The following UBE2F variants were observed in gnomAD, a reference collection of about 807,000 sequenced individuals.
UBE2F encodes the protein ubiquitin conjugating enzyme E2 F (putative).
A neutral mutation model predicts 29.6 loss-of-function variants in UBE2F; 5 were observed. The ratio of observed to expected loss-of-function variants is 0.17; its 90% CI spans 0.09 to 0.36. The LOEUF (loss-of-function observed/expected upper bound fraction) is 0.36, where lower values mean the gene tolerates loss of function less well. Ranked by LOEUF, UBE2F falls within the 10% of genes least tolerant of loss-of-function variation. The pLI is 1.00. For missense variants in UBE2F, 141 were observed against 228.5 expected (o/e 0.62, Z 2.47); for synonymous variants, 66 against 81.8 (o/e 0.81, Z 1.04).
At chr2:237,985,360 AT>A (rs2106339564) in intron 2 of UBE2F, among the ~76,000 whole-genome samples, 1 of 150,484 alleles carries the variant, frequency 6.6e-6, no homozygotes, top group South Asian at 2.1e-4. Flanking sequence ...GTATCCCCCC[AT>A]TCTGCCCCCT....
chr2:237,983,907 A>G (rs2063426882), intron 2 of UBE2F, among the ~76,000 whole-genome samples: 1 of 151,826 alleles, frequency 6.6e-6, no homozygotes, highest in Admixed American at 6.6e-5. Flanking sequence ...GCTTTCTCCA[A>G]GGTCCTTTTT....
At position 237,967,672 on chromosome 2, in the gene UBE2F, T is replaced by G. The variant is rs2063086227; in HGVS notation, c.-17+540T>G. Among the ~76,000 whole-genome samples the G allele has an allele frequency of 1.3e-5, 2 of 152,158 alleles. No homozygotes were observed. The highest frequency in any genetic ancestry group is 3.9e-4 in the East Asian group (2 of 5,178). On this transcript the variant is annotated intron_variant, in intron 1 of 9. Coordinates refer to ENST00000272930, the MANE Select transcript of UBE2F (RefSeq NM_080678.3). The surrounding 1 kb of genome is among the most constrained non-coding windows in gnomAD (Gnocchi z 6.3). ...GGGAGTGACAACTCGCGCCCGGTCC[T>G]CGTACCTGCAGCGGGAAGAGTAAGT...
At chr2:238,028,412 A>G (rs988456497) in intron 6 of UBE2F, among the ~76,000 whole-genome samples, 2 of 152,264 alleles carry the variant, frequency 1.3e-5, no homozygotes, top group African/African-American at 4.8e-5. Flanking sequence ...TGACAAATAT[A>G]TAACTGAAGG....
chr2:238,008,669 T>TA (rs1383845072), intron 4 of UBE2F, among the ~76,000 whole-genome samples: 1 of 152,218 alleles, frequency 6.6e-6, no homozygotes, highest in African/African-American at 2.4e-5. Flanking sequence ...ATGTCTTTGT[T>TA]ATTTCCCTCC....
chr2:237,985,653 T>C (rs925500118), intron 2 of UBE2F, among the ~76,000 whole-genome samples: 4 of 152,258 alleles, frequency 2.6e-5, no homozygotes, highest in African/African-American at 9.6e-5. Flanking sequence ...AATAGTCCAA[T>C]GAGTATGGAA....
intron 4 of UBE2F, 127 bp from the exon 5 acceptor site, chr2:238,016,439 C>T (rs2064155113): frequency 1.4e-6 from 1 of 731,504 alleles, no homozygotes; most frequent in South Asian, 1.9e-5. Context: ...AACCGAGGAA[C>T]TCTGCAGGCC....
intron 4 of UBE2F, among the ~76,000 whole-genome samples, chr2:238,012,674 T>C (rs2064065339): frequency 1.3e-5 from 2 of 152,206 alleles, no homozygotes; most frequent in Admixed American, 1.3e-4. Context: ...AAAGTCTTAC[T>C]TCATTTTCAT....
In UBE2F at chr2:237,967,538, C is replaced by A. The variant is rs1470419617; in HGVS notation, c.-17+406C>A. On this transcript the variant is annotated intron_variant, in intron 1 of 9. Transcript: ENST00000272930. The surrounding 1 kb of genome is among the most constrained non-coding windows in gnomAD (Gnocchi z 6.3). ...CCTGCCTTGTACGGAGGAAGCGGGG[C>A]GTCCAGCGCCTGGCCAAGGTCACCG... is the stretch of plus-strand genomic sequence containing the variant. Among the ~76,000 whole-genome samples, 1 of 152,060 alleles carries A rather than the reference C, an allele frequency of 6.6e-6. No individual in the cohort carries two copies. Among genetic ancestry groups the A allele is most frequent in the Non-Finnish European group, 1.5e-5 (1 of 67,966 alleles).
In UBE2F at chr2:238,030,247, TC is replaced by T. The variant is rs573994560; in HGVS notation, c.354-308del. The stretch of plus-strand genomic sequence containing the variant: ...CCATACCCAGCCACCATTGTCATTT[TC>T]TGAATATTAAATTGACAAATGTTCT... On this transcript the variant is annotated intron_variant, in intron 6 of 9. Coordinates refer to ENST00000272930, the MANE Select transcript of UBE2F (RefSeq NM_080678.3). 1.9e-4 allele frequency among the ~76,000 whole-genome samples: 29 copies of T among 152,352 alleles called. 1 individual carries two copies. In the East Asian group the frequency reaches 5.4e-3, roughly 28 times the overall value.
At chr2:237,973,734 T>C in intron 2 of UBE2F, 1 of 1,273,084 alleles carries the variant, frequency 7.9e-7, no homozygotes, top group African/African-American at 1.5e-5. Context: ...TCGTGACTTC[T>C]GCTATCCATG....
At chr2:238,020,818 A>G (rs577808557) in intron 5 of UBE2F, among the ~76,000 whole-genome samples, 4 of 152,314 alleles carry the variant, frequency 2.6e-5, no homozygotes, top group African/African-American at 9.6e-5. Flanking sequence ...ACATTGTGCC[A>G]GGCTCCGTGT....
At chr2:237,994,653 A>G in intron 3 of UBE2F, 91 bp from the exon 4 acceptor site, 1 of 972,102 alleles carries the variant, frequency 1.0e-6, no homozygotes, top group Non-Finnish European at 1.7e-6. Flanking sequence ...TCCCTGTAGC[A>G]CCGCTAACTT....
At chr2:237,999,535 A>G (rs2063751319) in intron 4 of UBE2F, among the ~76,000 whole-genome samples, 1 of 152,194 alleles carries the variant, frequency 6.6e-6, no homozygotes, top group Non-Finnish European at 1.5e-5. Flanking sequence ...TCCATCAGCC[A>G]TCTTGAATTG....
intron 4 of UBE2F, among the ~76,000 whole-genome samples, chr2:237,998,089 G>T (rs948643044): frequency 6.6e-6 from 1 of 152,036 alleles, no homozygotes; most frequent in Admixed American, 6.5e-5. Flanking sequence ...AGGCTGAAGG[G>T]AACATGGCTT....
intron 2 of UBE2F, among the ~76,000 whole-genome samples, chr2:237,976,132 G>T (rs2063278629): frequency 6.6e-6 from 1 of 152,226 alleles, no homozygotes; most frequent in Non-Finnish European, 1.5e-5. Context: ...CCAGAGGGCG[G>T]GGCAAGAGCT....
chr2:238,015,981 T>G (rs1249514834), intron 4 of UBE2F, among the ~76,000 whole-genome samples: 1 of 152,090 alleles, frequency 6.6e-6, no homozygotes, highest in Non-Finnish European at 1.5e-5. Flanking sequence ...GACCCTGGGC[T>G]TCCTCCTTCG....
At chr2:237,999,084 A>ATTTTT (rs1169669078) in intron 4 of UBE2F, among the ~76,000 whole-genome samples, 1 of 150,508 alleles carries the variant, frequency 6.6e-6, no homozygotes, top group African/African-American at 2.5e-5. Context: ...TTATTTATTT[A>ATTTTT]TTTATTTTTT....
chr2:237,996,325 C>G (rs1212966745), intron 4 of UBE2F, among the ~76,000 whole-genome samples: 3 of 152,134 alleles, frequency 2.0e-5, no homozygotes, highest in Middle Eastern at 3.2e-3. Flanking sequence ...CAATGGCTAT[C>G]AGGGATTCTG....
At chr2:238,024,503 G>A (rs11889966) in intron 5 of UBE2F, among the ~76,000 whole-genome samples, 16,015 of 151,994 alleles carry the variant, frequency 0.11, 1,098 homozygotes, top group African/African-American at 0.2. Flanking sequence ...GAGCTACCAT[G>A]CCCAGCTCTT....
Sources: allele counts gnomAD v4.1 joint callset (sites outside exome capture counted in the v4.1 genomes callset), GRCh38; gene constraint gnomAD v4.1.1; non-coding constraint Gnocchi (gnomAD v3.1); transcripts MANE v1.5; gene names NCBI Gene and HGNC (gene_info 2026-07-23, HGNC 2026-07-21).